Variants in VPS13B observed in about 807,000 individuals in gnomAD.
VPS13B encodes the protein intermembrane lipid transfer protein VPS13B.
Under a neutral mutation model 426.4 loss-of-function variants are expected in VPS13B, and 285 were observed. The observed-to-expected ratio is 0.67, with a 90% CI of 0.61 to 0.74. VPS13B has a LOEUF of 0.74. VPS13B is among the 30% of genes least tolerant of loss of function. The pLI is 0.00. For missense variants in VPS13B, 4,537 were observed against 4,782.6 expected, an observed-to-expected ratio of 0.95 and a Z score of 1.51; for synonymous variants, 1,676 against 1,676.4, an observed-to-expected ratio of 1.00 and a Z score of 0.01.
intron 19 of VPS13B, among the ~76,000 whole-genome samples, chr8:99,311,338 C>T (rs567432789): frequency 6.6e-6 from 1 of 152,186 alleles, no homozygotes; most frequent in South Asian, 2.1e-4. Flanking sequence ...CACACTGCTT[C>T]AGATGTGTCC....
intron 13 of VPS13B, among the ~76,000 whole-genome samples, chr8:99,144,695 C>A (rs1810611392): frequency 6.6e-6 from 1 of 152,132 alleles, no homozygotes; most frequent in African/African-American, 2.4e-5. Context: ...ATTTATTATA[C>A]CTTACTTGAA....
chr8:99,496,921 T>C (rs940685998), intron 25 of VPS13B, among the ~76,000 whole-genome samples: 1 of 151,766 alleles, frequency 6.6e-6, no homozygotes, highest in African/African-American at 2.4e-5. Context: ...AATTATTTAG[T>C]GTTTTTTTCA....
chr8:99,588,077 G>A (rs1273554544), intron 33 of VPS13B, among the ~76,000 whole-genome samples: 1 of 151,756 alleles, frequency 6.6e-6, no homozygotes, highest in Non-Finnish European at 1.5e-5. Flanking sequence ...ATTAAAAAGG[G>A]AATCCTTTCC....
intron 19 of VPS13B, among the ~76,000 whole-genome samples, chr8:99,324,826 G>C (rs1189093703): frequency 6.6e-6 from 1 of 152,096 alleles, no homozygotes; most frequent in African/African-American, 2.4e-5. Context: ...CTATAATGTA[G>C]TCAGTTTTGT....
intron 3 of VPS13B, among the ~76,000 whole-genome samples, chr8:99,086,920 A>G (rs886910937): frequency 6.6e-6 from 1 of 152,126 alleles, no homozygotes; most frequent in Non-Finnish European, 1.5e-5. Context: ...CCACTTGAGG[A>G]GGCAGTCTGT....
intron 3 of VPS13B, among the ~76,000 whole-genome samples, chr8:99,075,767 C>T (rs1250685082): frequency 6.6e-6 from 1 of 152,066 alleles, no homozygotes; most frequent in East Asian, 1.9e-4. Context: ...TGGGTCTTTG[C>T]TCCTTTTAAC....
chr8:99,588,073 A>T (rs1374831305), intron 33 of VPS13B, among the ~76,000 whole-genome samples: 2 of 151,728 alleles, frequency 1.3e-5, no homozygotes, highest in East Asian at 3.8e-4. Context: ...ATTTATTAAA[A>T]AGGGAATCCT....
chr8:99,825,529 A>T (rs539877980), intron 51 of VPS13B, among the ~76,000 whole-genome samples: 2 of 152,292 alleles, frequency 1.3e-5, no homozygotes, highest in African/African-American at 4.8e-5. Flanking sequence ...TTGCCTGTTC[A>T]TTCTGATGAT....
intron 19 of VPS13B, among the ~76,000 whole-genome samples, chr8:99,319,826 A>C (rs1450555898): frequency 1.3e-5 from 2 of 152,186 alleles, no homozygotes; most frequent in Non-Finnish European, 2.9e-5. Flanking sequence ...CCTGTCTGGA[A>C]AACTGGGATG....
At chr8:99,797,354 C>T (rs1386381602) in intron 43 of VPS13B, among the ~76,000 whole-genome samples, 2 of 152,048 alleles carry the variant, frequency 1.3e-5, no homozygotes, top group Non-Finnish European at 2.9e-5. Context: ...ATCCTCCTAC[C>T]TCTGCTTCCA....
intron 3 of VPS13B, among the ~76,000 whole-genome samples, chr8:99,072,676 T>A (rs917083441): frequency 1.3e-5 from 2 of 152,068 alleles, no homozygotes; most frequent in Non-Finnish European, 2.9e-5. Flanking sequence ...CCTAGATGAG[T>A]GTTCTGAGGT....
At chr8:99,461,553 A>C (rs1818834504) in intron 23 of VPS13B, among the ~76,000 whole-genome samples, 1 of 151,844 alleles carries the variant, frequency 6.6e-6, no homozygotes, top group African/African-American at 2.4e-5. Context: ...TTTTTTACCG[A>C]TTTCTTTAAG....
intron 8 of VPS13B, among the ~76,000 whole-genome samples, chr8:99,123,401 T>C (rs572776185): frequency 3.3e-5 from 5 of 152,054 alleles, no homozygotes; most frequent in African/African-American, 1.2e-4. Flanking sequence ...TGAATGAATG[T>C]GGTATGAAAG....
At chr8:99,210,660 C>A (rs1170603579) in intron 17 of VPS13B, among the ~76,000 whole-genome samples, 1 of 151,958 alleles carries the variant, frequency 6.6e-6, no homozygotes, top group African/African-American at 2.4e-5. Flanking sequence ...GGCTGGAGTG[C>A]AGTGGTGCAA....
At chr8:99,311,380 C>A (rs1469825244) in intron 19 of VPS13B, among the ~76,000 whole-genome samples, 1 of 152,144 alleles carries the variant, frequency 6.6e-6, no homozygotes, top group Non-Finnish European at 1.5e-5. Flanking sequence ...TCTTTTTTCT[C>A]ATTGGTTTCA....
chr8:99,049,187 C>G (rs1843390974), intron 3 of VPS13B, among the ~76,000 whole-genome samples: 1 of 151,682 alleles, frequency 6.6e-6, no homozygotes, highest in South Asian at 2.1e-4. Flanking sequence ...GATACCATTC[C>G]ATTTATAGTG....
chr8:99,704,136 C>A (rs1832402857), intron 36 of VPS13B, among the ~76,000 whole-genome samples: 1 of 152,106 alleles, frequency 6.6e-6, no homozygotes, highest in South Asian at 2.1e-4. Context: ...AGTCAAAGGA[C>A]TATGGTTTAT....
chr8:99,304,191 A>G (rs1331757633), intron 19 of VPS13B, among the ~76,000 whole-genome samples: 1 of 152,154 alleles, frequency 6.6e-6, no homozygotes, highest in Non-Finnish European at 1.5e-5. Flanking sequence ...TAATTAAAGC[A>G]TTTAGAATAA....
intron 21 of VPS13B, 70 bp downstream of exon 21, chr8:99,391,774 A>ATTTCATGGATGCTGG: frequency 1.0e-5 from 16 of 1,564,918 alleles, no homozygotes; most frequent in Non-Finnish European, 1.4e-5. Flanking sequence ...AGCATCCACA[A>ATTTCATGGATGCTGG]TTTCATGGAT....
Sources: gnomAD v4.1 joint callset for allele counts (sites outside exome capture counted in the v4.1 genomes callset) on GRCh38, gnomAD v4.1.1 for gene constraint, MANE v1.5 for transcripts, NCBI Gene and HGNC (gene_info 2026-07-23, HGNC 2026-07-21) for gene names.